The following TNIK variants were observed in gnomAD, a reference collection of about 807,000 sequenced individuals.
The protein encoded by TNIK is TRAF2 and NCK interacting kinase, also known as TRAF2 and NCK-interacting protein kinase.
TNIK carries 49 observed loss-of-function variants against 191.3 expected under a neutral mutation model. The ratio of observed to expected loss-of-function variants is 0.26; its 90% CI spans 0.20 to 0.32. The LOEUF is 0.32. Among genes scored for constraint, TNIK ranks in the 10% least tolerant of loss-of-function variants. The pLI, the probability that TNIK is intolerant of heterozygous loss-of-function variation, is 1.00. For missense variants in TNIK, 1,155 were observed against 1,702.3 expected, an observed-to-expected ratio of 0.68 and a Z score of 5.66; for synonymous variants, 594 against 600.9, an observed-to-expected ratio of 0.99 and a Z score of 0.17.
In TNIK at chr3:171,330,851, A is replaced by C. The variant is rs535471432; in HGVS notation, c.123+38769T>G. The stretch of plus-strand genomic sequence containing the variant: ...AATCTATTCTTACCCTACGACCCCG[A>C]ATTAAAACACTCCCAGGGGCCCCAC... On this transcript the variant is annotated intron_variant, in intron 2 of 32. Transcript: ENST00000436636. Among the ~76,000 whole-genome samples the C allele has an allele frequency of 2.0e-5, 3 of 152,244 alleles. No individual in the cohort carries two copies. In the South Asian group the frequency reaches 6.2e-4, roughly 32 times the overall value.
At chr3:171,082,538 A>G (rs1051069613) in intron 26 of TNIK, 144 bp from the exon 27 acceptor site, 24 of 883,326 alleles carry the variant, frequency 2.7e-5, no homozygotes, top group Middle Eastern at 2.3e-4. Flanking sequence ...TGAATGTAGA[A>G]GCTCTGACAT....
chr3:171,145,974 C>T (rs1445158534), intron 12 of TNIK, among the ~76,000 whole-genome samples: 1 of 152,132 alleles, frequency 6.6e-6, no homozygotes, highest in Admixed American at 6.5e-5. Flanking sequence ...GGAATATTGC[C>T]TCAGACATTA....
intron 23 of TNIK, among the ~76,000 whole-genome samples, chr3:171,093,361 A>G (rs972194297): frequency 3.9e-5 from 6 of 152,244 alleles, no homozygotes; most frequent in African/African-American, 7.2e-5. Flanking sequence ...TATTTCAATA[A>G]AATAACTTAA....
At chr3:171,377,537 T>C (rs1717428213) in intron 1 of TNIK, among the ~76,000 whole-genome samples, 1 of 152,246 alleles carries the variant, frequency 6.6e-6, no homozygotes, top group African/African-American at 2.4e-5. Flanking sequence ...GTCATTGGGA[T>C]AGGCCATAGC....
chr3:171,264,355 T>C (rs1460977368), intron 2 of TNIK, among the ~76,000 whole-genome samples: 1 of 151,798 alleles, frequency 6.6e-6, no homozygotes, highest in African/African-American at 2.4e-5. Context: ...CACACACATA[T>C]ATATATATTT....
At chr3:171,427,704 G>A (rs528969814) in intron 1 of TNIK, among the ~76,000 whole-genome samples, 2 of 152,136 alleles carry the variant, frequency 1.3e-5, no homozygotes, top group Non-Finnish European at 2.9e-5. Flanking sequence ...TTAGCCACTG[G>A]TACTATAACA....
At chr3:171,280,976 C>T in intron 2 of TNIK, among the ~76,000 whole-genome samples, 1 of 152,106 alleles carries the variant, frequency 6.6e-6, no homozygotes, top group East Asian at 1.9e-4. Flanking sequence ...TGCTTAGGAA[C>T]CTACTGAATA....
chr3:171,200,677 G>A (rs1237224864), intron 4 of TNIK, among the ~76,000 whole-genome samples: 3 of 152,140 alleles, frequency 2.0e-5, no homozygotes, highest in Non-Finnish European at 4.4e-5. Context: ...CAAGAGACAG[G>A]GGGCCTTTAG....
intron 9 of TNIK, among the ~76,000 whole-genome samples, chr3:171,168,268 C>T (rs1026602044): frequency 2.0e-5 from 3 of 152,192 alleles, no homozygotes; most frequent in Admixed American, 2.0e-4. Context: ...TCCAGGAGAC[C>T]TTGATGAAAC....
intron 1 of TNIK, among the ~76,000 whole-genome samples, chr3:171,425,082 G>A (rs866161637): frequency 2.6e-5 from 4 of 151,824 alleles, no homozygotes; most frequent in East Asian, 1.9e-4. Flanking sequence ...TTCTGAGTTC[G>A]CATAAACTGG....
At chr3:171,254,427 T>C (rs1014699980) in intron 2 of TNIK, among the ~76,000 whole-genome samples, 1 of 152,206 alleles carries the variant, frequency 6.6e-6, no homozygotes, top group Non-Finnish European at 1.5e-5. Flanking sequence ...AGTTTTAATA[T>C]TTGCTCACCC....
chr3:171,315,987 T>C (rs1202415605), intron 2 of TNIK, among the ~76,000 whole-genome samples: 1 of 152,156 alleles, frequency 6.6e-6, no homozygotes, highest in Non-Finnish European at 1.5e-5. Context: ...AGTTGTTTTA[T>C]ACTACTGCCT....
chr3:171,283,788 A>G (rs1292578435), intron 2 of TNIK, among the ~76,000 whole-genome samples: 3 of 152,140 alleles, frequency 2.0e-5, no homozygotes, highest in Non-Finnish European at 4.4e-5. Context: ...AGACACACAT[A>G]AGGAAGTCAG....
chr3:171,315,143 G>T (rs565783161), intron 2 of TNIK, among the ~76,000 whole-genome samples: 130 of 152,244 alleles, frequency 8.5e-4, no homozygotes, highest in African/African-American at 2.9e-3. Flanking sequence ...ATTCTGCTTT[G>T]AAAGCAGAAA....
At chr3:171,120,362 C>T (rs1401913146) in intron 18 of TNIK, among the ~76,000 whole-genome samples, 13 of 147,256 alleles carry the variant, frequency 8.8e-5, no homozygotes, top group African/African-American at 3.4e-4. Context: ...GCTCTGTTGC[C>T]CAGGCTGGAG....
chr3:171,432,656 AAAATCCTTGTATTCCCTGAC>A (rs1405319524), intron 1 of TNIK, among the ~76,000 whole-genome samples: 6 of 152,216 alleles, frequency 3.9e-5, no homozygotes, highest in Non-Finnish European at 7.4e-5. Flanking sequence ...AGTTTATGAT[AAAATCCTTGTATTCCCTGAC>A]AAATTATTGT....
At chr3:171,088,215 T>G (rs1721608297) in intron 23 of TNIK, among the ~76,000 whole-genome samples, 1 of 152,056 alleles carries the variant, frequency 6.6e-6, no homozygotes, top group South Asian at 2.1e-4. Flanking sequence ...ATATCCCTTT[T>G]TAATGTCCTT....
rs372186482 is a variant in TNIK at position 171,288,696 on chromosome 3, T to C, written c.124-60475A>G. 3.7e-4 allele frequency among the ~76,000 whole-genome samples: 56 copies of C among 151,782 alleles called. 1 individual carries two copies. Among genetic ancestry groups the C allele is most frequent in the African/African-American group, 1.3e-3 (54 of 41,330 alleles). ...GGTGGTGTGTGCCTGTAGTCCCAGC[T>C]ACTTGAGAGGCTGAGGCAGGAGAAT... is the stretch of plus-strand genomic sequence containing the variant. On this transcript the variant is annotated intron_variant, in intron 2 of 32. Transcript: ENST00000436636.
At chr3:171,354,770 C>G (rs1393152088) in intron 2 of TNIK, among the ~76,000 whole-genome samples, 16 of 152,138 alleles carry the variant, frequency 1.1e-4, no homozygotes, top group Admixed American at 1.0e-3. Context: ...TAGCTATTCA[C>G]AAATATATAG....
Sources: gnomAD v4.1 joint callset for allele counts (sites outside exome capture counted in the v4.1 genomes callset) on GRCh38, gnomAD v4.1.1 for gene constraint, MANE v1.5 for transcripts, NCBI Gene and HGNC (gene_info 2026-07-23, HGNC 2026-07-21) for gene names.